Variants in DLGAP2 observed in about 807,000 individuals in gnomAD.
DLGAP2 encodes the protein DLG associated protein 2.
A neutral mutation model predicts 100.3 loss-of-function variants in DLGAP2; 26 were observed. That is an observed-to-expected ratio of 0.26 (90% CI 0.19 to 0.36). The LOEUF is 0.36. Among genes scored for constraint, DLGAP2 ranks in the 10% least tolerant of loss-of-function variants. The probability of loss-of-function intolerance (pLI) is 1.00; values close to 1 mark genes in which losing one functional copy is unlikely to be tolerated. For missense variants in DLGAP2, 1,858 were observed against 1,453.2 expected, an observed-to-expected ratio of 1.28 and a Z score of -4.53; for synonymous variants, 886 against 630.1, an observed-to-expected ratio of 1.41 and a Z score of -6.08.
At chr8:1,411,920 GGAT>G (rs892189529) in intron 3 of DLGAP2, among the ~76,000 whole-genome samples, 7 of 152,176 alleles carry the variant, frequency 4.6e-5, no homozygotes, top group Non-Finnish European at 1.5e-5. Flanking sequence ...GTGTGGGGGT[GGAT>G]GCTTCCACGC....
chr8:1,589,241 C>A (rs1171402339), intron 6 of DLGAP2, among the ~76,000 whole-genome samples: 1 of 152,198 alleles, frequency 6.6e-6, no homozygotes, highest in African/African-American at 2.4e-5. Context: ...GGCCCCCTAG[C>A]AACCTATAAG....
chr8:1,093,363 AG>A (rs1804250192), intron 2 of DLGAP2, among the ~76,000 whole-genome samples: 3 of 144,084 alleles, frequency 2.1e-5, no homozygotes, highest in African/African-American at 8.9e-5. Context: ...ACCAACAGCC[AG>A]AAACACCTTC....
At chr8:1,040,792 C>G (rs372211108) in intron 2 of DLGAP2, among the ~76,000 whole-genome samples, 1 of 152,238 alleles carries the variant, frequency 6.6e-6, no homozygotes, top group East Asian at 1.9e-4. Flanking sequence ...AAATGCAGAT[C>G]CAGCAGGAGC....
At chr8:962,399 A>G (rs1233275451) in intron 2 of DLGAP2, among the ~76,000 whole-genome samples, 1 of 152,182 alleles carries the variant, frequency 6.6e-6, no homozygotes, top group Non-Finnish European at 1.5e-5. Context: ...TTGGGTCAGC[A>G]GCTGCCAGTG....
intron 3 of DLGAP2, among the ~76,000 whole-genome samples, chr8:1,344,279 G>A (rs1226615108): frequency 6.6e-6 from 1 of 152,060 alleles, no homozygotes; most frequent in African/African-American, 2.4e-5. Context: ...ACGTGCCCAG[G>A]CATTGTGGGT....
chr8:1,053,012 C>G (rs1382155499), intron 2 of DLGAP2, among the ~76,000 whole-genome samples: 2 of 152,192 alleles, frequency 1.3e-5, no homozygotes, highest in South Asian at 2.1e-4. Context: ...CATTTCTCAT[C>G]ACTGCGGAGT....
At chr8:1,232,006 CA>C (rs1253410783) in intron 2 of DLGAP2, among the ~76,000 whole-genome samples, 1 of 152,098 alleles carries the variant, frequency 6.6e-6, no homozygotes, top group Non-Finnish European at 1.5e-5. Context: ...TAATAAATGC[CA>C]GTAGCCAAAA....
At chr8:1,501,194 C>A (rs1422759906) in intron 3 of DLGAP2, among the ~76,000 whole-genome samples, 172 bp from the exon 4 acceptor site, 1 of 152,106 alleles carries the variant, frequency 6.6e-6, no homozygotes, top group Non-Finnish European at 1.5e-5. Context: ...ACTGGTTGTT[C>A]CTGAGGTTAT....
chr8:1,549,544 A>G lies in DLGAP2; in HGVS notation c.1091A>G (p.Lys364Arg), dbSNP rs1243207805. Residue 364 changes from lysine (K) to arginine (R), a missense_variant, in exon 5 of 15, where the codon AAG (lysine) becomes AGG (arginine). Coordinates refer to ENST00000637795, the MANE Select transcript of DLGAP2 (RefSeq NM_001346810.2). ...GGGTTGGCGCTGACGCCCGACGCCA[A>G]GTACCTGAAGCGCAGCTCCTGGTCT... ...CEGLALTPDA[K>R]YLKRSSWSTL... 5.0e-6 allele frequency: 8 copies of G among 1,613,290 alleles called. No homozygotes were observed. The Admixed American group carries it at 5.0e-5, about 10-fold the overall frequency.
chr8:1,460,485 G>A (rs1798442541), intron 3 of DLGAP2, among the ~76,000 whole-genome samples: 1 of 152,166 alleles, frequency 6.6e-6, no homozygotes, highest in South Asian at 2.1e-4. Flanking sequence ...GCAGAGCAGG[G>A]GACGCCTCTC....
chr8:1,435,113 G>A (rs73172544), intron 3 of DLGAP2, among the ~76,000 whole-genome samples: 31,843 of 152,136 alleles, frequency 0.21, 3,774 homozygotes, highest in Middle Eastern at 0.28. Context: ...CAACCTACTC[G>A]GGCCTACTGT....
intron 2 of DLGAP2, among the ~76,000 whole-genome samples, chr8:1,054,470 A>G (rs1034533744): frequency 6.6e-6 from 1 of 152,194 alleles, no homozygotes; most frequent in African/African-American, 2.4e-5. Flanking sequence ...CATTGTCAAC[A>G]TAAGTTTTTA....
chr8:1,537,259 G>A (rs550031061), intron 4 of DLGAP2, among the ~76,000 whole-genome samples: 2 of 152,312 alleles, frequency 1.3e-5, no homozygotes, highest in Admixed American at 6.5e-5. Flanking sequence ...GCAAGTTTGT[G>A]CATGTGCATA....
chr8:1,448,666 A>G (rs1267338246), intron 3 of DLGAP2, among the ~76,000 whole-genome samples: 1 of 152,212 alleles, frequency 6.6e-6, no homozygotes, highest in Admixed American at 6.5e-5. Context: ...AATAAATTTA[A>G]TACTTCTGAG....
chr8:1,358,639 G>A (rs1465979186), intron 3 of DLGAP2, among the ~76,000 whole-genome samples: 2 of 152,170 alleles, frequency 1.3e-5, no homozygotes, highest in Non-Finnish European at 2.9e-5. Context: ...TGTTGGTGTT[G>A]AGGGTTGGCC....
chr8:1,317,630 T>C (rs1800790453), intron 3 of DLGAP2, among the ~76,000 whole-genome samples: 1 of 141,578 alleles, frequency 7.1e-6, no homozygotes, highest in Non-Finnish European at 1.5e-5. Context: ...AACAGTGGTC[T>C]ACACTCGAGA....
chr8:1,532,190 C>G (rs1053493882), intron 4 of DLGAP2, among the ~76,000 whole-genome samples: 2 of 152,134 alleles, frequency 1.3e-5, no homozygotes, highest in Non-Finnish European at 2.9e-5. Flanking sequence ...CCTGATTTTT[C>G]CCTTTAGCTT....
intron 3 of DLGAP2, chr8:1,259,631 C>T (rs1050067297): frequency 1.3e-5 from 2 of 152,194 alleles, no homozygotes; most frequent in Non-Finnish European, 2.9e-5. Context: ...CAGGAATGTG[C>T]CTTTGGGTCA....
At chr8:1,522,610 A>G (rs1423222968) in intron 4 of DLGAP2, among the ~76,000 whole-genome samples, 1 of 152,208 alleles carries the variant, frequency 6.6e-6, no homozygotes, top group Admixed American at 6.5e-5. Flanking sequence ...TCATGTGGCC[A>G]TTGCAAGGAT....
Sources: gnomAD v4.1 joint callset for allele counts (sites outside exome capture counted in the v4.1 genomes callset) on GRCh38, gnomAD v4.1.1 for gene constraint, MANE v1.5 for transcripts, NCBI Gene and HGNC (gene_info 2026-07-23, HGNC 2026-07-21) for gene names.